Variants in NRXN3 observed in about 807,000 individuals in gnomAD.
The protein encoded by NRXN3 is neurexin 3.
NRXN3 carries 32 observed loss-of-function variants against 137.6 expected under a neutral mutation model. That is an observed-to-expected ratio of 0.23 (90% CI 0.18 to 0.31). The LOEUF (loss-of-function observed/expected upper bound fraction) is 0.31, where lower values mean the gene tolerates loss of function less well. Ranked by LOEUF, NRXN3 falls within the 10% of genes least tolerant of loss-of-function variation. The pLI is 1.00. For synonymous variants in NRXN3, 798 were observed against 784.5 expected (o/e 1.02, Z -0.29); for missense variants, 1,574 against 2,062.5 (o/e 0.76, Z 4.59).
intron 4 of NRXN3, among the ~76,000 whole-genome samples, chr14:78,433,440 G>A (rs960772759): frequency 1.3e-5 from 2 of 152,064 alleles, no homozygotes; most frequent in Admixed American, 1.3e-4. Context: ...AACAAGCTGG[G>A]TGGCTACTGT....
intron 8 of NRXN3, among the ~76,000 whole-genome samples, chr14:78,792,420 A>T (rs1224743932): frequency 2.6e-5 from 4 of 152,132 alleles, no homozygotes; most frequent in Non-Finnish European, 5.9e-5. Context: ...CTGATGAAAA[A>T]AACCAGAGAT....
At chr14:79,042,540 C>T (rs1270897735) in intron 15 of NRXN3, among the ~76,000 whole-genome samples, 2 of 152,138 alleles carry the variant, frequency 1.3e-5, no homozygotes, top group African/African-American at 4.8e-5. Context: ...TAGTACACTG[C>T]CCTGGCCTGG....
intron 4 of NRXN3, among the ~76,000 whole-genome samples, chr14:78,299,611 A>G (rs2076684910): frequency 6.6e-6 from 1 of 152,160 alleles, no homozygotes; most frequent in African/African-American, 2.4e-5. Flanking sequence ...GAGTGTGGCA[A>G]ATGGGATAGG....
intron 8 of NRXN3, among the ~76,000 whole-genome samples, chr14:78,773,530 C>T (rs188675514): frequency 2.4e-4 from 36 of 152,288 alleles, no homozygotes; most frequent in Admixed American, 1.4e-3. Flanking sequence ...CTCCCACACT[C>T]CCCTGCAGTT....
intron 2 of NRXN3, among the ~76,000 whole-genome samples, chr14:78,266,780 T>C (rs2071819380): frequency 1.3e-5 from 2 of 152,150 alleles, no homozygotes; most frequent in African/African-American, 4.8e-5. Flanking sequence ...CAACACCTCC[T>C]TACTTTACAA....
At chr14:78,926,646 A>G (rs2099293031) in intron 10 of NRXN3, among the ~76,000 whole-genome samples, 2 of 96,386 alleles carry the variant, frequency 2.1e-5, no homozygotes, top group South Asian at 2.6e-4. Flanking sequence ...ATATTTATAT[A>G]TAATATATAT....
intron 15 of NRXN3, among the ~76,000 whole-genome samples, chr14:79,266,497 C>T (rs776186966): frequency 2.0e-5 from 3 of 152,094 alleles, no homozygotes. Flanking sequence ...AGGATTTTCA[C>T]TTTGAGAGGA....
intron 17 of NRXN3, among the ~76,000 whole-genome samples, chr14:79,674,921 G>A (rs1396231253): frequency 6.6e-6 from 1 of 152,092 alleles, no homozygotes; most frequent in African/African-American, 2.4e-5. Flanking sequence ...AGGAAGGGAT[G>A]AGGGTATTAC....
intron 16 of NRXN3, among the ~76,000 whole-genome samples, chr14:79,605,257 G>C (rs2097991525): frequency 6.6e-6 from 1 of 152,074 alleles, no homozygotes; most frequent in Non-Finnish European, 1.5e-5. Context: ...CTTGATAATT[G>C]TCCAGGGCCT....
intron 20 of NRXN3, among the ~76,000 whole-genome samples, chr14:79,841,307 G>A (rs1050355157): frequency 3.3e-5 from 5 of 152,050 alleles, no homozygotes; most frequent in Admixed American, 2.0e-4. Context: ...AAGAAATGGT[G>A]AGTTTTATTG....
At chr14:78,187,374 C>T (rs2060320461) in intron 1 of NRXN3, among the ~76,000 whole-genome samples, 1 of 151,702 alleles carries the variant, frequency 6.6e-6, no homozygotes, top group Non-Finnish European at 1.5e-5. Flanking sequence ...TAACTCCCTG[C>T]TTTTTGTTTA....
At chr14:78,244,172 G>A (rs968835558) in intron 2 of NRXN3, among the ~76,000 whole-genome samples, 4 of 152,220 alleles carry the variant, frequency 2.6e-5, no homozygotes, top group Non-Finnish European at 5.9e-5. Flanking sequence ...GCTCACACCT[G>A]TAATCCTAGC....
In NRXN3 at chr14:79,340,160, GGTGTGT is replaced by G. The variant is rs10533702; in HGVS notation, c.3263-127036_3263-127031del. Among the ~76,000 whole-genome samples, 70 of 146,678 alleles carry G rather than the reference GGTGTGT, an allele frequency of 4.8e-4. 1 individual carries two copies. The highest frequency in any genetic ancestry group is 7.0e-3 in the Middle Eastern group (2 of 284). The stretch of plus-strand genomic sequence containing the variant: ...CCCTCGTTTGACCTCTGAATTTAAG[GGTGTGT>G]GTGTGTGTGTGTGTGTGTGTGTGTA... On this transcript the variant is annotated intron_variant, in intron 15 of 20. Transcript: ENST00000335750.
At chr14:79,119,406 A>G (rs2055032652) in intron 15 of NRXN3, among the ~76,000 whole-genome samples, 1 of 152,152 alleles carries the variant, frequency 6.6e-6, no homozygotes, top group Admixed American at 6.5e-5. Flanking sequence ...CCTTTCCCAA[A>G]AAGTCTAAAT....
In NRXN3 at chr14:78,651,196, C is replaced by T. The variant is rs1421012178; in HGVS notation, c.1091C>T (p.Thr364Met). ...VTISVDGILT[T>M]TGYTQEDYTM... ...ATCTCTGTGGATGGCATTCTTACCA[C>T]GACGGGCTACACTCAAGAGGACTAT... The change falls in exon 6 of 21, where the codon ACG becomes ATG. Residue 364 changes from threonine (T) to methionine (M), a missense_variant. Thr to Met is a moderately conservative substitution (Grantham distance 81). This residue lies in a region of NRXN3 where 400 missense variants were observed against 527.3 expected (regional missense o/e 0.76). Transcript: ENST00000335750. 6.2e-6 allele frequency: 10 copies of T among 1,613,656 alleles called. No individual in the cohort carries two copies. The highest frequency in any genetic ancestry group is 1.7e-5 in the Admixed American group (1 of 59,990).
At position 78,778,758 on chromosome 14, in the gene NRXN3, C is replaced by CTTTCTTTCTT. The variant is rs1555489894; in HGVS notation, c.2045-24861_2045-24860insTTCTTTCTTT. 3.6e-4 allele frequency among the ~76,000 whole-genome samples: 35 copies of CTTTCTTTCTT among 97,202 alleles called. 1 individual carries two copies. The highest frequency in any genetic ancestry group is 1.4e-3 in the African/African-American group (35 of 24,392). 63.8% of individuals were successfully genotyped at this position (97,202 alleles called of 152,430 possible). A position where few individuals can be genotyped will look rare whatever the true frequency, so the allele number is the denominator to read the frequency against. On this transcript the variant is annotated intron_variant, in intron 8 of 20. Transcript: ENST00000335750. ...TCTCTCTTTCTTTCTTTCCTTCTTT[C>CTTTCTTTCTT]TCTTTCTTTCTTTCTTTCTTTCTTT...
At chr14:79,254,264 A>G (rs1410769379) in intron 15 of NRXN3, among the ~76,000 whole-genome samples, 6 of 152,212 alleles carry the variant, frequency 3.9e-5, no homozygotes, top group Non-Finnish European at 8.8e-5. Context: ...GCATGCAGTG[A>G]CAAACCAAGA....
At chr14:78,287,503 A>G (rs538819215) in intron 3 of NRXN3, among the ~76,000 whole-genome samples, 2 of 152,352 alleles carry the variant, frequency 1.3e-5, no homozygotes, top group Admixed American at 6.5e-5. Flanking sequence ...AAGAGGCCCA[A>G]TAGATTGTCA....
At chr14:78,292,779 C>T (rs1008007113) in intron 3 of NRXN3, among the ~76,000 whole-genome samples, 1 of 152,080 alleles carries the variant, frequency 6.6e-6, no homozygotes, top group Non-Finnish European at 1.5e-5. Flanking sequence ...CTTCCATGAG[C>T]CCCCGTTTTA....
Sources: allele counts gnomAD v4.1 joint callset (sites outside exome capture counted in the v4.1 genomes callset), GRCh38; gene constraint gnomAD v4.1.1; regional missense constraint gnomAD v4.1.1; transcripts MANE v1.5; gene names NCBI Gene and HGNC (gene_info 2026-07-23, HGNC 2026-07-21).